Variants in PTPRD observed in about 807,000 individuals in gnomAD.
The protein encoded by PTPRD is protein tyrosine phosphatase receptor type D, also known as receptor-type tyrosine-protein phosphatase delta.
Under a neutral mutation model 214.5 loss-of-function variants are expected in PTPRD, and 34 were observed. The observed-to-expected ratio is 0.16, with a 90% confidence interval of 0.12 to 0.21. PTPRD has a LOEUF of 0.21. PTPRD is among the 10% of genes least tolerant of loss of function. The pLI is 1.00. For synonymous variants in PTPRD, 1,128 were observed against 845.7 expected (o/e 1.33, Z -5.79); for missense variants, 2,545 against 2,398.7 (o/e 1.06, Z -1.27).
At chr9:9,167,868 A>G (rs2099907302) in intron 10 of PTPRD, among the ~76,000 whole-genome samples, 1 of 152,174 alleles carries the variant, frequency 6.6e-6, no homozygotes, top group Admixed American at 6.5e-5. Flanking sequence ...GAAACATGCT[A>G]TTTTATTTAC....
Position 10,256,112 on chromosome 9 carries a change from T to G in PTPRD, c.-545+84851A>C, listed in dbSNP as rs528447147. 7.9e-5 allele frequency among the ~76,000 whole-genome samples: 12 copies of G among 152,358 alleles called. 1 individual carries two copies. In the South Asian group the frequency reaches 2.5e-3, roughly 32 times the overall value. On this transcript the variant is annotated intron_variant, in intron 3 of 45. Transcript: ENST00000381196. Reference sequence around the variant, plus strand: ...CTCTTTATAAGAATTTAATGCCTGATGATCTGTGGTGGAACAGTTTCATCC... The same window carrying G: ...CTCTTTATAAGAATTTAATGCCTGAGGATCTGTGGTGGAACAGTTTCATCC...
At chr9:10,442,386 TG>T (rs1206344716) in intron 2 of PTPRD, among the ~76,000 whole-genome samples, 1 of 151,678 alleles carries the variant, frequency 6.6e-6, no homozygotes, top group African/African-American at 2.4e-5. Context: ...TGCAGAATTA[TG>T]TAAGTCTGAA....
chr9:8,487,418 C>A (rs1313449602), intron 27 of PTPRD, among the ~76,000 whole-genome samples: 1 of 151,892 alleles, frequency 6.6e-6, no homozygotes, highest in African/African-American at 2.4e-5. Context: ...AGAATAAAAA[C>A]TAAACCAAGT....
chr9:9,237,327 G>C (rs545178459), intron 9 of PTPRD, among the ~76,000 whole-genome samples: 94 of 152,106 alleles, frequency 6.2e-4, no homozygotes, highest in Admixed American at 6.0e-3. Context: ...TACTTTGGGA[G>C]GCCAAGGCAG....
At chr9:8,466,007 G>C (rs2096537497) in intron 31 of PTPRD, among the ~76,000 whole-genome samples, 1 of 151,774 alleles carries the variant, frequency 6.6e-6, no homozygotes, top group South Asian at 2.1e-4. Context: ...AAAAAAGTCA[G>C]CTTGATTCAT....
At chr9:10,566,934 A>G (rs896370729) in intron 2 of PTPRD, among the ~76,000 whole-genome samples, 43 of 152,050 alleles carry the variant, frequency 2.8e-4, no homozygotes, top group African/African-American at 9.9e-4. Flanking sequence ...TCATTTTCAC[A>G]TGACTACCTC....
chr9:9,404,809 A>G (rs1417049168), intron 8 of PTPRD, among the ~76,000 whole-genome samples: 1 of 152,082 alleles, frequency 6.6e-6, no homozygotes, highest in African/African-American at 2.4e-5. Context: ...CAGAGCCCCG[A>G]GAAGTCCTGA....
intron 9 of PTPRD, among the ~76,000 whole-genome samples, chr9:9,326,178 G>A (rs975010975): frequency 6.6e-6 from 1 of 152,108 alleles, no homozygotes; most frequent in Admixed American, 6.6e-5. Context: ...GTGACTTAAT[G>A]AAGGGAAAGA....
intron 36 of PTPRD, among the ~76,000 whole-genome samples, chr9:8,402,081 G>A (rs549098504): frequency 6.6e-6 from 1 of 152,282 alleles, no homozygotes; most frequent in African/African-American, 2.4e-5. Context: ...CTGCCCTCAA[G>A]AATACCTGCT....
At chr9:9,921,635 ATT>A (rs142091370) in intron 5 of PTPRD, among the ~76,000 whole-genome samples, 66 of 146,040 alleles carry the variant, frequency 4.5e-4, no homozygotes, top group African/African-American at 1.5e-3. Context: ...AAAAGCCCTG[ATT>A]TTTTTTTTTT....
At chr9:8,389,124 G>A in intron 37 of PTPRD, 108 bp downstream of exon 37, 1 of 934,688 alleles carries the variant, frequency 1.1e-6, no homozygotes, top group Non-Finnish European at 1.5e-6. Context: ...GTATCTGTTA[G>A]AAAGATAAGC....
rs984759723 is a variant in PTPRD, at chr9:9,264,906, A to G, written c.-202-81543T>C. ...TATTCAAAGTGATGAAAGAAAAAAAAAAAAAACCCTACCAACCAAGAATAT... is the reference window on the plus strand; with the variant it reads ...TATTCAAAGTGATGAAAGAAAAAAAGAAAAAACCCTACCAACCAAGAATAT... On this transcript the variant is annotated intron_variant, in intron 9 of 45. Coordinates refer to ENST00000381196, the MANE Select transcript of PTPRD (RefSeq NM_002839.4). 2.2e-4 allele frequency among the ~76,000 whole-genome samples: 34 copies of G among 151,568 alleles called. No individual in the cohort carries two copies. In the East Asian group the frequency reaches 6.7e-3, roughly 30 times the overall value.
chr9:9,896,890 G>A (rs1446054646), intron 5 of PTPRD, among the ~76,000 whole-genome samples: 2 of 151,992 alleles, frequency 1.3e-5, no homozygotes, highest in Non-Finnish European at 2.9e-5. Flanking sequence ...CATCCACTAA[G>A]TGACAATAAT....
intron 3 of PTPRD, among the ~76,000 whole-genome samples, chr9:10,125,629 T>A (rs1428202933): frequency 6.9e-6 from 1 of 145,714 alleles, no homozygotes; most frequent in East Asian, 2.0e-4. Flanking sequence ...TAATTGTGTG[T>A]GTGTGTGTGT....
intron 11 of PTPRD, among the ~76,000 whole-genome samples, chr9:8,847,636 C>G (rs1023341021): frequency 2.0e-5 from 3 of 151,940 alleles, no homozygotes; most frequent in Admixed American, 6.6e-5. Context: ...AATAATTTTC[C>G]AAATCATCAA....
chr9:10,509,778 A>C (rs1328934043), intron 2 of PTPRD, among the ~76,000 whole-genome samples: 1 of 151,412 alleles, frequency 6.6e-6, no homozygotes, highest in Non-Finnish European at 1.5e-5. Context: ...TGTTATTAGA[A>C]TGTTACAATT....
intron 2 of PTPRD, among the ~76,000 whole-genome samples, chr9:10,345,970 T>C (rs1041104120): frequency 6.6e-6 from 1 of 152,212 alleles, no homozygotes; most frequent in Non-Finnish European, 1.5e-5. Context: ...TGATGTGAGA[T>C]GGTATTTCAT....
chr9:10,484,714 T>C (rs2099121448), intron 2 of PTPRD, among the ~76,000 whole-genome samples: 1 of 152,090 alleles, frequency 6.6e-6, no homozygotes, highest in African/African-American at 2.4e-5. Flanking sequence ...TTAGTCAGAT[T>C]ATTATATTTT....
chr9:9,138,998 T>C (rs1048660618), intron 10 of PTPRD, among the ~76,000 whole-genome samples: 8 of 152,168 alleles, frequency 5.3e-5, no homozygotes, highest in Non-Finnish European at 2.9e-5. Context: ...TACTTATTTA[T>C]GTGCTTAAAA....
Sources: gnomAD v4.1 joint callset for allele counts (sites outside exome capture counted in the v4.1 genomes callset) on GRCh38, gnomAD v4.1.1 for gene constraint, MANE v1.5 for transcripts, NCBI Gene and HGNC (gene_info 2026-07-23, HGNC 2026-07-21) for gene names.